The following EPHA6 variants were observed in gnomAD, a reference collection of about 807,000 sequenced individuals.
The protein encoded by EPHA6 is EPH receptor A6.
In EPHA6, 50 loss-of-function variants were observed where a neutral mutation model predicts 112.0. The observed-to-expected ratio is 0.45, with a 90% CI of 0.36 to 0.56. The LOEUF (loss-of-function observed/expected upper bound fraction) is 0.56. Ranked by LOEUF, EPHA6 falls within the 20% of genes least tolerant of loss-of-function variation. The probability of loss-of-function intolerance (pLI) is 0.00; values close to 1 mark genes in which losing one functional copy is unlikely to be tolerated. For synonymous variants in EPHA6, 529 were observed against 490.7 expected (o/e 1.08, Z -1.03); for missense variants, 1,280 against 1,417.4 (o/e 0.90, Z 1.56).
intron 3 of EPHA6, among the ~76,000 whole-genome samples, chr3:97,201,642 T>C (rs1299202084): frequency 1.3e-5 from 2 of 152,142 alleles, no homozygotes; most frequent in Non-Finnish European, 2.9e-5. Context: ...ATCCATTTGT[T>C]AACATTTGTT....
intron 3 of EPHA6, among the ~76,000 whole-genome samples, chr3:97,200,943 A>C (rs148623014): frequency 6.6e-6 from 1 of 152,284 alleles, no homozygotes; most frequent in African/African-American, 2.4e-5. Flanking sequence ...CCTAAGTAAA[A>C]TGGTTGGTTT....
At chr3:97,705,272 C>T (rs1173968244) in intron 14 of EPHA6, among the ~76,000 whole-genome samples, 1 of 152,080 alleles carries the variant, frequency 6.6e-6, no homozygotes, top group Non-Finnish European at 1.5e-5. Context: ...CATTTCCCAT[C>T]CCCTCCTCTC....
At chr3:96,821,367 C>G (rs2033239408) in intron 1 of EPHA6, among the ~76,000 whole-genome samples, 1 of 151,816 alleles carries the variant, frequency 6.6e-6, no homozygotes, top group South Asian at 2.1e-4. Context: ...TGCAGTAAAT[C>G]TTACATTTTA....
chr3:97,596,906 G>GTATATATATATATATATA (rs1198437621), intron 12 of EPHA6, among the ~76,000 whole-genome samples: 1 of 92,878 alleles, frequency 1.1e-5, no homozygotes, highest in African/African-American at 7.0e-5. Flanking sequence ...ATATATATAT[G>GTATATATATATATATATA]TATGTATATA....
At chr3:97,345,081 G>GGA (rs1553752394) in intron 5 of EPHA6, among the ~76,000 whole-genome samples, 12 of 144,326 alleles carry the variant, frequency 8.3e-5, no homozygotes, top group African/African-American at 2.8e-4. Flanking sequence ...CAAATGAGGG[G>GGA]AAAAAAAAAA....
chr3:97,407,375 C>CACACACACA (rs1274254800), intron 6 of EPHA6, among the ~76,000 whole-genome samples: 2 of 150,006 alleles, frequency 1.3e-5, no homozygotes, highest in African/African-American at 4.9e-5. Context: ...CACACACACA[C>CACACACACA]CTTTTTAAAA....
intron 15 of EPHA6, among the ~76,000 whole-genome samples, chr3:97,722,765 A>T (rs1000965337): frequency 6.6e-6 from 1 of 152,144 alleles, no homozygotes; most frequent in Non-Finnish European, 1.5e-5. Context: ...TATATTCATA[A>T]AAGTCATTTA....
chr3:97,098,475 C>G (rs2047310457), intron 3 of EPHA6, among the ~76,000 whole-genome samples: 1 of 151,418 alleles, frequency 6.6e-6, no homozygotes, highest in Non-Finnish European at 1.5e-5. Context: ...TATGGGAGAA[C>G]CAAAACCATT....
At chr3:96,983,562 T>A (rs1332168120) in intron 2 of EPHA6, among the ~76,000 whole-genome samples, 1 of 152,180 alleles carries the variant, frequency 6.6e-6, no homozygotes, top group Non-Finnish European at 1.5e-5. Flanking sequence ...AATATCTTTG[T>A]GGCATTCTCT....
chr3:97,029,823 A>G (rs1364220348), intron 3 of EPHA6, among the ~76,000 whole-genome samples: 1 of 152,150 alleles, frequency 6.6e-6, no homozygotes, highest in Non-Finnish European at 1.5e-5. Flanking sequence ...ATTTTTATTA[A>G]CCAATGGATT....
At chr3:97,377,444 T>A (rs2085438725) in intron 5 of EPHA6, among the ~76,000 whole-genome samples, 1 of 152,122 alleles carries the variant, frequency 6.6e-6, no homozygotes, top group South Asian at 2.1e-4. Flanking sequence ...ACCAGACTAA[T>A]ACAGTAAATT....
chr3:97,758,850 T>G lies in EPHA6; in HGVS notation c.*10149T>G, dbSNP rs1001685056. Among the ~76,000 whole-genome samples the G allele has an allele frequency of 1.3e-5, 2 of 151,064 alleles. No individual in the cohort carries two copies. Among genetic ancestry groups the G allele is most frequent in the Admixed American group, 1.3e-4 (2 of 15,182 alleles). Reference sequence around the variant, plus strand: ...ATAGTTAATGAATGAAAATTTGGAGTGTTGGAGAGTAGAGAACAGTGTTCT... The same window carrying G: ...ATAGTTAATGAATGAAAATTTGGAGGGTTGGAGAGTAGAGAACAGTGTTCT... On this transcript the variant is annotated 3_prime_UTR_variant, in exon 18 of 18. Transcript: ENST00000389672.
At chr3:97,506,594 A>G (rs1255964698) in intron 10 of EPHA6, among the ~76,000 whole-genome samples, 3 of 152,232 alleles carry the variant, frequency 2.0e-5, no homozygotes, top group South Asian at 2.1e-4. Flanking sequence ...GCCTTGTAGT[A>G]TAGTTTGAAG....
At chr3:96,868,193 A>AGAGT (rs151114450) in intron 2 of EPHA6, among the ~76,000 whole-genome samples, 3,449 of 148,078 alleles carry the variant, frequency 0.023, 127 homozygotes, top group African/African-American at 0.078. Flanking sequence ...AGAGAGACAG[A>AGAGT]GTGTGTGTGT....
chr3:97,169,623 A>G (rs1235149379), intron 3 of EPHA6, among the ~76,000 whole-genome samples: 1 of 152,258 alleles, frequency 6.6e-6, no homozygotes, highest in East Asian at 1.9e-4. Flanking sequence ...GATGAAAAGA[A>G]TTATTGTCAA....
intron 1 of EPHA6, among the ~76,000 whole-genome samples, chr3:96,840,391 A>G (rs2034668312): frequency 6.6e-6 from 1 of 152,104 alleles, no homozygotes; most frequent in South Asian, 2.1e-4. Flanking sequence ...TATGAAGTCA[A>G]GAGAGATTTC....
chr3:96,814,788 G>A lies in EPHA6; in HGVS notation c.165G>A (p.Glu55=), dbSNP rs1239427251. The change falls in exon 1 of 18, where the codon GAG becomes GAA. Residue 55 remains glutamate, a synonymous_variant. Transcript: ENST00000389672. ...RPGTPPAGRV[E]EEEEEEEEDV... The stretch of plus-strand genomic sequence containing the variant: ...GGACACCCCCTGCGGGCCGGGTGGA[G>A]GAGGAAGAGGAGGAGGAGGAAGAAG... 1 of 1,602,754 alleles carries A rather than the reference G, an allele frequency of 6.2e-7. No homozygotes were observed. The highest frequency in any genetic ancestry group is 8.5e-7 in the Non-Finnish European group (1 of 1,173,844).
At chr3:96,982,764 A>G (rs1277336821) in intron 2 of EPHA6, among the ~76,000 whole-genome samples, 1 of 152,166 alleles carries the variant, frequency 6.6e-6, no homozygotes, top group Non-Finnish European at 1.5e-5. Context: ...TATATTTAAG[A>G]CAGTTAGCTC....
chr3:97,676,149 C>G lies in EPHA6; in HGVS notation c.2784+38067C>G, dbSNP rs1040061459. Among the ~76,000 whole-genome samples, 3 of 152,024 alleles carry G rather than the reference C, an allele frequency of 2.0e-5. No individual in the cohort carries two copies. The South Asian group carries it at 6.2e-4, about 32-fold the overall frequency. On this transcript the variant is annotated intron_variant, in intron 14 of 17. Transcript: ENST00000389672. ...GAGATATGAATTTGGAAGTCACTGG[C>G]ACATCAGTGATATTTAAAGCCATGA...
Sources: gnomAD v4.1 joint callset for allele counts (sites outside exome capture counted in the v4.1 genomes callset) on GRCh38, gnomAD v4.1.1 for gene constraint, MANE v1.5 for transcripts, NCBI Gene and HGNC (gene_info 2026-07-23, HGNC 2026-07-21) for gene names.